Variants in SCHIP1 observed in about 807,000 individuals in gnomAD.
SCHIP1 encodes schwannomin interacting protein 1.
In SCHIP1, 8 loss-of-function variants were observed where a neutral mutation model predicts 29.7. That is an observed-to-expected ratio of 0.27 (90% CI 0.16 to 0.49). SCHIP1 has a LOEUF of 0.49. Among genes scored for constraint, SCHIP1 ranks in the 20% least tolerant of loss-of-function variants. The pLI is 0.99. For missense variants in SCHIP1, 193 were observed against 294.6 expected (o/e 0.66, Z 2.52); for synonymous variants, 76 against 94.9 (o/e 0.80, Z 1.16).
the SCHIP1 span, among the ~76,000 whole-genome samples, chr3:159,408,814 A>G: frequency 6.6e-6 from 1 of 152,206 alleles, no homozygotes; most frequent in Non-Finnish European, 1.5e-5. Context: ...TGATACCAAA[A>G]CCAGACAAAG....
At chr3:159,859,418 C>T (rs969856121) in intron 1 of SCHIP1, among the ~76,000 whole-genome samples, 1 of 152,174 alleles carries the variant, frequency 6.6e-6, no homozygotes, top group African/African-American at 2.4e-5. Context: ...TGTAATGCTA[C>T]CTATAAATGT....
rs188990260 is a variant in SCHIP1 at position 159,871,703 on chromosome 3, A to G, written c.149+5422A>G. Among the ~76,000 whole-genome samples the G allele has an allele frequency of 2.0e-3, 275 of 139,262 alleles. 3 individuals are homozygous for G. Among genetic ancestry groups the G allele is most frequent in the Admixed American group, 0.016 (236 of 14,676 alleles). The allele number at this position is 139,262 out of a possible 152,430, so 91.4% of individuals were successfully genotyped here. On this transcript the variant is annotated intron_variant, in intron 2 of 6. Transcript: ENST00000445224. Reference sequence around the variant, plus strand: ...TGAGGCATTTTAAACCTGGCTGCCAATGTTTTAAGACTCTAGCAGGGGAAA... The same window carrying G: ...TGAGGCATTTTAAACCTGGCTGCCAGTGTTTTAAGACTCTAGCAGGGGAAA...
the SCHIP1 span, among the ~76,000 whole-genome samples, chr3:159,637,947 A>G: frequency 6.6e-6 from 1 of 152,336 alleles, no homozygotes; most frequent in African/African-American, 2.4e-5. Context: ...TAGAAGAGTT[A>G]CATGTAGTCC....
chr3:159,414,697 T>C, the SCHIP1 span, among the ~76,000 whole-genome samples: 2 of 152,184 alleles, frequency 1.3e-5, no homozygotes, highest in Non-Finnish European at 1.5e-5. Flanking sequence ...CCAACCTTTC[T>C]GTCACCAGGG....
At chr3:159,532,207 T>C in the SCHIP1 span, among the ~76,000 whole-genome samples, 1 of 152,222 alleles carries the variant, frequency 6.6e-6, no homozygotes, top group East Asian at 1.9e-4. Flanking sequence ...CCGCTTTTTT[T>C]CTAAGTATCT....
chr3:159,839,995 G>C (rs919086409), exon 1 of SCHIP1: 4 of 1,434,138 alleles, frequency 2.8e-6, no homozygotes, highest in Non-Finnish European at 3.6e-6. Context: ...CAGCTCGCTA[G>C]CTGCGCGCTT....
chr3:159,295,960 T>C, the SCHIP1 span, among the ~76,000 whole-genome samples: 1 of 152,212 alleles, frequency 6.6e-6, no homozygotes, highest in African/African-American at 2.4e-5. Flanking sequence ...AGGTTAAATG[T>C]AAAGAAGAAA....
the SCHIP1 span, chr3:159,375,762 T>C: frequency 1.3e-6 from 1 of 764,150 alleles, no homozygotes; most frequent in Non-Finnish European, 1.6e-6. Context: ...ATAAATAAAC[T>C]GTTTGATACA....
At chr3:159,612,418 C>T in the SCHIP1 span, among the ~76,000 whole-genome samples, 1 of 152,154 alleles carries the variant, frequency 6.6e-6, no homozygotes, top group Non-Finnish European at 1.5e-5. Context: ...CCAAATAATT[C>T]AATGTTGGCA....
chr3:159,713,524 C>T, the SCHIP1 span, among the ~76,000 whole-genome samples: 2 of 152,182 alleles, frequency 1.3e-5, no homozygotes, highest in African/African-American at 2.4e-5. Context: ...TTCAACAATA[C>T]ATAAATGCAT....
the SCHIP1 span, among the ~76,000 whole-genome samples, chr3:159,470,134 T>G: frequency 6.6e-6 from 1 of 152,142 alleles, no homozygotes; most frequent in African/African-American, 2.4e-5. Flanking sequence ...AAAAGATGCT[T>G]AACTTAAATG....
At chr3:159,790,563 G>T in the SCHIP1 span, among the ~76,000 whole-genome samples, 1 of 152,176 alleles carries the variant, frequency 6.6e-6, no homozygotes, top group South Asian at 2.1e-4. Flanking sequence ...GTATGTACCT[G>T]TAGTCCCAGC....
At chr3:159,809,906 A>G in the SCHIP1 span, among the ~76,000 whole-genome samples, 2 of 152,306 alleles carry the variant, frequency 1.3e-5, no homozygotes, top group African/African-American at 4.8e-5. Context: ...AAGCAGGAGT[A>G]TCGCTTGAGC....
At chr3:159,774,715 C>A in the SCHIP1 span, among the ~76,000 whole-genome samples, 1 of 152,112 alleles carries the variant, frequency 6.6e-6, no homozygotes, top group East Asian at 1.9e-4. Flanking sequence ...ACTTGTAAAC[C>A]CATTTTTTTG....
At chr3:159,428,501 A>C in the SCHIP1 span, among the ~76,000 whole-genome samples, 2 of 152,204 alleles carry the variant, frequency 1.3e-5, no homozygotes. Context: ...ATGAGATACC[A>C]TCTCACACCA....
At chr3:159,765,003 C>T in the SCHIP1 span, 3 of 1,532,872 alleles carry the variant, frequency 2.0e-6, no homozygotes, top group Non-Finnish European at 1.8e-6. Flanking sequence ...AGCCCCCAGA[C>T]GGCGGGACGT....
At chr3:159,657,852 C>T in the SCHIP1 span, among the ~76,000 whole-genome samples, 1 of 152,202 alleles carries the variant, frequency 6.6e-6, no homozygotes, top group African/African-American at 2.4e-5. Context: ...AGCTGGAACA[C>T]AGGATGCTTG....
At chr3:159,687,909 G>A in the SCHIP1 span, among the ~76,000 whole-genome samples, 26,319 of 152,132 alleles carry the variant, frequency 0.17, 2,575 homozygotes, top group Middle Eastern at 0.24. Context: ...CTTCATCCAT[G>A]TCCCTGCAAA....
chr3:159,629,951 C>A, the SCHIP1 span, among the ~76,000 whole-genome samples: 1 of 152,058 alleles, frequency 6.6e-6, no homozygotes, highest in Admixed American at 6.6e-5. Flanking sequence ...CGGAACAAAG[C>A]AGGAACTTAT....
Sources: gnomAD v4.1 joint callset for allele counts (sites outside exome capture counted in the v4.1 genomes callset) on GRCh38, gnomAD v4.1.1 for gene constraint, MANE v1.5 for transcripts, NCBI Gene and HGNC (gene_info 2026-07-23, HGNC 2026-07-21) for gene names.